The following CPQ variants were observed in gnomAD, a reference collection of about 807,000 sequenced individuals.
The protein encoded by CPQ is carboxypeptidase Q, also known as Ser-Met dipeptidase.
A neutral mutation model predicts 45.7 loss-of-function variants in CPQ; 37 were observed. The observed-to-expected ratio is 0.81, with a 90% CI of 0.62 to 1.07. CPQ has a LOEUF of 1.07. CPQ is among the 50% of genes least tolerant of loss of function. CPQ has a pLI of 0.00. For synonymous variants in CPQ, 186 were observed against 205.8 expected (o/e 0.90, Z 0.82); for missense variants, 537 against 572.9 (o/e 0.94, Z 0.64).
chr8:96,795,127 T>C (rs1016560931), intron 2 of CPQ, among the ~76,000 whole-genome samples: 5 of 152,162 alleles, frequency 3.3e-5, no homozygotes, highest in African/African-American at 9.7e-5. Flanking sequence ...ACTGTATTAG[T>C]CCATTTTTGT....
At chr8:97,020,850 G>A (rs1277807843) in intron 5 of CPQ, among the ~76,000 whole-genome samples, 1 of 151,944 alleles carries the variant, frequency 6.6e-6, no homozygotes, top group Admixed American at 6.6e-5. Context: ...GAGAAAAAGG[G>A]AACAGTCCCT....
intron 5 of CPQ, among the ~76,000 whole-genome samples, chr8:96,974,724 T>C (rs1401387179): frequency 6.6e-6 from 1 of 152,102 alleles, no homozygotes; most frequent in Non-Finnish European, 1.5e-5. Flanking sequence ...CTTAAAACCA[T>C]GTAAATACAT....
intron 2 of CPQ, among the ~76,000 whole-genome samples, chr8:96,810,884 A>G (rs2319928): frequency 0.53 from 80,630 of 151,984 alleles, 22,958 homozygotes; most frequent in East Asian, 0.88. Context: ...TGGGTCCTCT[A>G]TAGCACTTAC....
chr8:97,132,790 C>G (rs370362604), intron 7 of CPQ: 63 of 152,286 alleles, frequency 4.1e-4, no homozygotes, highest in Middle Eastern at 6.8e-3. Context: ...TAGATGTGGA[C>G]AGAGCTGCAG....
chr8:96,729,423 A>G (rs544435455), intron 1 of CPQ, among the ~76,000 whole-genome samples: 2 of 152,290 alleles, frequency 1.3e-5, no homozygotes, highest in African/African-American at 2.4e-5. Context: ...GTGTTTTCCT[A>G]TGGAAAGAGG....
At chr8:96,680,631 A>C (rs1425676851) in intron 1 of CPQ, 1 of 152,412 alleles carries the variant, frequency 6.6e-6, no homozygotes, top group Non-Finnish European at 1.5e-5. Flanking sequence ...GACTAATTAC[A>C]GTAAATTGGT....
chr8:97,019,100 C>T, intron 5 of CPQ, among the ~76,000 whole-genome samples: 1 of 152,146 alleles, frequency 6.6e-6, no homozygotes, highest in East Asian at 1.9e-4. Flanking sequence ...AACATTTTAT[C>T]AGCCAAGAAT....
intron 5 of CPQ, among the ~76,000 whole-genome samples, chr8:97,020,400 G>T (rs1005671325): frequency 1.3e-5 from 2 of 151,954 alleles, no homozygotes; most frequent in African/African-American, 4.8e-5. Context: ...AAATGAAATT[G>T]AAACAAGAAA....
chr8:97,094,252 G>A (rs1036123799), intron 7 of CPQ, among the ~76,000 whole-genome samples: 1 of 152,104 alleles, frequency 6.6e-6, no homozygotes. Flanking sequence ...TCCCTTGCAG[G>A]TTACACTGTC....
At chr8:96,733,721 A>AT (rs911093049) in intron 1 of CPQ, among the ~76,000 whole-genome samples, 28 of 152,172 alleles carry the variant, frequency 1.8e-4, no homozygotes, top group African/African-American at 5.8e-4. Context: ...GAGGTATCTC[A>AT]TTTTTTTCCT....
intron 1 of CPQ, among the ~76,000 whole-genome samples, chr8:96,721,739 T>C (rs113103576): frequency 0.024 from 3,651 of 152,102 alleles, 162 homozygotes; most frequent in African/African-American, 0.083. Context: ...AGCTCACAGG[T>C]CCCCCTCTAT....
intron 4 of CPQ, among the ~76,000 whole-genome samples, chr8:96,959,498 A>G (rs1813414971): frequency 6.6e-6 from 1 of 151,950 alleles, no homozygotes; most frequent in Non-Finnish European, 1.5e-5. Flanking sequence ...TTTAACTTCA[A>G]CAAAAGCCTG....
chr8:96,734,653 G>C (rs1809956299), intron 1 of CPQ, among the ~76,000 whole-genome samples: 1 of 151,904 alleles, frequency 6.6e-6, no homozygotes, highest in Admixed American at 6.6e-5. Flanking sequence ...GGAGGTTGCA[G>C]TGAGCCGAGA....
chr8:96,762,425 T>C (rs999381652), intron 1 of CPQ, among the ~76,000 whole-genome samples: 2 of 152,164 alleles, frequency 1.3e-5, no homozygotes, highest in African/African-American at 4.8e-5. Context: ...AGAAAGCATA[T>C]ATCATATTAT....
At chr8:97,124,974 T>C (rs1418916720) in intron 7 of CPQ, among the ~76,000 whole-genome samples, 1 of 152,080 alleles carries the variant, frequency 6.6e-6, no homozygotes, top group African/African-American at 2.4e-5. Flanking sequence ...TAAAACGGAC[T>C]TTTTGAAACA....
At chr8:96,664,788 C>A (rs1241788987) in intron 1 of CPQ, among the ~76,000 whole-genome samples, 1 of 152,112 alleles carries the variant, frequency 6.6e-6, no homozygotes, top group Non-Finnish European at 1.5e-5. Flanking sequence ...GATAGAAGTA[C>A]AAATAGACTG....
chr8:97,029,927 A>T (rs1338549511), intron 6 of CPQ, among the ~76,000 whole-genome samples: 1 of 152,150 alleles, frequency 6.6e-6, no homozygotes, highest in Non-Finnish European at 1.5e-5. Flanking sequence ...GAGCATTGCC[A>T]TGATGGTGGT....
rs1812056240 is a variant in CPQ, at chr8:96,870,702, C to T, written c.642-9096C>T. On this transcript the variant is annotated intron_variant, in intron 3 of 7. Coordinates refer to ENST00000220763, the MANE Select transcript of CPQ (RefSeq NM_016134.4). The stretch of plus-strand genomic sequence containing the variant: ...GAATTAATGTGTGAAAAGCACACAG[C>T]ACACTGGCAGGCACAGGGCAAATGC... Among the ~76,000 whole-genome samples the T allele has an allele frequency of 2.0e-5, 3 of 152,002 alleles. No individual in the cohort carries two copies. In the South Asian group the frequency reaches 6.2e-4, roughly 32 times the overall value.
At chr8:97,127,626 C>T (rs1427551371) in intron 7 of CPQ, among the ~76,000 whole-genome samples, 1 of 152,020 alleles carries the variant, frequency 6.6e-6, no homozygotes, top group Non-Finnish European at 1.5e-5. Context: ...GAAGTGAAGG[C>T]TGCAGTAAGC....
Sources: allele counts gnomAD v4.1 joint callset (sites outside exome capture counted in the v4.1 genomes callset), GRCh38; gene constraint gnomAD v4.1.1; transcripts MANE v1.5; gene names NCBI Gene and HGNC (gene_info 2026-07-23, HGNC 2026-07-21).